The following IL1RAPL1 variants were observed in gnomAD, a reference collection of about 807,000 sequenced individuals.
The protein encoded by IL1RAPL1 is interleukin 1 receptor accessory protein like 1.
A neutral mutation model predicts 48.4 loss-of-function variants in IL1RAPL1; 3 were observed. The observed-to-expected ratio is 0.06, with a 90% CI of 0.03 to 0.16. The LOEUF (loss-of-function observed/expected upper bound fraction) is 0.16. Ranked by LOEUF, IL1RAPL1 falls within the 10% of genes least tolerant of loss-of-function variation. The pLI is 1.00. For missense variants in IL1RAPL1, 349 were observed against 530.6 expected (o/e 0.66, Z 3.36); for synonymous variants, 185 against 187.7 (o/e 0.99, Z 0.12).
At chrX:29,116,742 TGGAGAAAAATATC>T (rs1333199395) in intron 2 of IL1RAPL1, among the ~76,000 whole-genome samples, 1 of 111,058 alleles carries the variant, frequency 9.0e-6, no homozygotes, top group East Asian at 2.8e-4. Flanking sequence ...GGGTCATTAG[TGGAGAAAAATATC>T]GAAGAGAGTG....
intron 1 of IL1RAPL1, among the ~76,000 whole-genome samples, chrX:28,622,620 C>G (rs998168898): frequency 4.5e-5 from 5 of 111,445 alleles, no homozygotes; most frequent in African/African-American, 1.6e-4. Context: ...AGCCATGGAA[C>G]CTATGCATTT....
chrX:29,285,415 C>A (rs774649044), intron 3 of IL1RAPL1, among the ~76,000 whole-genome samples: 2 of 105,973 alleles, frequency 1.9e-5, no homozygotes, highest in South Asian at 8.7e-4. Context: ...GCCTGTAATC[C>A]CAGCTACTCG....
chrX:29,549,776 A>G (rs942448176), intron 5 of IL1RAPL1, among the ~76,000 whole-genome samples: 4 of 112,221 alleles, frequency 3.6e-5, no homozygotes, highest in Admixed American at 9.4e-5. Context: ...AGTTGGGATG[A>G]AAACTTGACT....
intron 5 of IL1RAPL1, among the ~76,000 whole-genome samples, chrX:29,508,550 AC>A (rs1189187819): frequency 8.9e-6 from 1 of 112,089 alleles, no homozygotes; most frequent in African/African-American, 3.2e-5. Context: ...AAGAAAAAAA[AC>A]AATGAATATT....
chrX:29,410,421 A>G (rs984437785), intron 5 of IL1RAPL1, among the ~76,000 whole-genome samples: 2 of 108,219 alleles, frequency 1.8e-5, no homozygotes, highest in Non-Finnish European at 1.9e-5. Context: ...AGATCACACC[A>G]CTGCACTCTA....
In IL1RAPL1 at chrX:29,379,817, C is replaced by T. The variant is rs778166103; in HGVS notation, c.363-16441C>T. Among the ~76,000 whole-genome samples the T allele has an allele frequency of 1.4e-3, 158 of 111,462 alleles. 3 individuals carry two copies. In the Admixed American group the frequency reaches 0.015, roughly 10 times the overall value. On this transcript the variant is annotated intron_variant, in intron 3 of 10. Coordinates refer to ENST00000378993, the MANE Select transcript of IL1RAPL1 (RefSeq NM_014271.4). ...TACTTAACATTTTGGTCCCTCTTGG[C>T]GGGAACAGTGCTTTCTAGCTGTGTC...
chrX:29,080,976 CTTTCTTTCTTTCTT>C (rs1451868873), intron 2 of IL1RAPL1, among the ~76,000 whole-genome samples: 27 of 43,872 alleles, frequency 6.2e-4, no homozygotes, highest in East Asian at 3.0e-3. Context: ...TTCTTTCTTT[CTTTCTTTCTTTCTT>C]TCTTTCTCTC....
At chrX:28,853,446 T>C (rs1921717645) in intron 2 of IL1RAPL1, among the ~76,000 whole-genome samples, 1 of 67,849 alleles carries the variant, frequency 1.5e-5, no homozygotes, top group Non-Finnish European at 2.3e-5. Context: ...TATACCTTTT[T>C]ATCCTGTTTC....
chrX:29,439,479 G>C (rs992196948), intron 5 of IL1RAPL1, among the ~76,000 whole-genome samples: 1 of 111,484 alleles, frequency 9.0e-6, no homozygotes, highest in Non-Finnish European at 1.9e-5. Flanking sequence ...ATTCCAGTAG[G>C]AAACACTTCA....
At chrX:29,906,024 A>C (rs1035405402) in intron 6 of IL1RAPL1, among the ~76,000 whole-genome samples, 1 of 110,833 alleles carries the variant, frequency 9.0e-6, no homozygotes, top group African/African-American at 3.3e-5. Context: ...ACAGGAGAGA[A>C]TTTGTACCCC....
intron 3 of IL1RAPL1, among the ~76,000 whole-genome samples, chrX:29,374,083 G>C (rs2147668793): frequency 9.6e-6 from 1 of 104,435 alleles, no homozygotes; most frequent in South Asian, 4.3e-4. Flanking sequence ...CAGTGATATA[G>C]GCCTGAAGTT....
At chrX:29,802,763 A>ATATATC (rs1555922067) in intron 6 of IL1RAPL1, among the ~76,000 whole-genome samples, 1 of 23,885 alleles carries the variant, frequency 4.2e-5, no homozygotes, top group Non-Finnish European at 6.9e-5. Context: ...ATATATATAT[A>ATATATC]TATATATATA....
intron 9 of IL1RAPL1, among the ~76,000 whole-genome samples, chrX:29,947,034 A>G (rs974628180): frequency 8.9e-6 from 1 of 111,820 alleles, no homozygotes; most frequent in African/African-American, 3.2e-5. Context: ...TCTACTTTTG[A>G]TCAGAAATAT....
intron 2 of IL1RAPL1, among the ~76,000 whole-genome samples, chrX:28,844,802 A>T (rs1200487665): frequency 1.8e-5 from 2 of 111,509 alleles, no homozygotes; most frequent in African/African-American, 6.5e-5. Context: ...TACAATGAGG[A>T]AAGAACATGT....
chrX:29,061,560 G>C (rs1048890532), intron 2 of IL1RAPL1, among the ~76,000 whole-genome samples: 1 of 111,921 alleles, frequency 8.9e-6, no homozygotes, highest in African/African-American at 3.2e-5. Context: ...CTAGGTTCAA[G>C]TGTTTCTCCA....
intron 2 of IL1RAPL1, among the ~76,000 whole-genome samples, chrX:29,221,614 C>A (rs1930976443): frequency 3.5e-5 from 2 of 56,394 alleles, no homozygotes; most frequent in Admixed American, 4.1e-4. Flanking sequence ...AATGTATACA[C>A]ACACATACAC....
chrX:29,851,375 C>G (rs6526934), intron 6 of IL1RAPL1, among the ~76,000 whole-genome samples: 3,301 of 110,847 alleles, frequency 0.03, 120 homozygotes, highest in African/African-American at 0.1. Flanking sequence ...AAATATCGCC[C>G]GATTATATAG....
intron 5 of IL1RAPL1, among the ~76,000 whole-genome samples, chrX:29,412,304 GTT>G (rs1934154684): frequency 1.2e-5 from 1 of 85,718 alleles, no homozygotes; most frequent in Non-Finnish European, 2.6e-5. Context: ...GTTTTAGTTA[GTT>G]AGAGAAAAAA....
chrX:29,508,564 G>A (rs890833498), intron 5 of IL1RAPL1, among the ~76,000 whole-genome samples: 4 of 111,700 alleles, frequency 3.6e-5, no homozygotes, highest in African/African-American at 1.3e-4. Context: ...TGAATATTAT[G>A]TGCTTTACAT....
Sources: allele counts gnomAD v4.1 joint callset (sites outside exome capture counted in the v4.1 genomes callset), GRCh38; gene constraint gnomAD v4.1.1; transcripts MANE v1.5; gene names NCBI Gene and HGNC (gene_info 2026-07-23, HGNC 2026-07-21).